The following PRR12 variants were observed in gnomAD, a reference collection of about 807,000 sequenced individuals.
The protein encoded by PRR12 is proline rich 12, also known as proline-rich protein 12.
PRR12 carries 12 observed loss-of-function variants against 138.0 expected under a neutral mutation model. The ratio of observed to expected loss-of-function variants is 0.09; its 90% CI spans 0.06 to 0.14. PRR12 has a LOEUF of 0.14. Among genes scored for constraint, PRR12 ranks in the 10% least tolerant of loss-of-function variants. The pLI is 1.00. For synonymous variants in PRR12, 1,567 were observed against 1,291.7 expected (o/e 1.21, Z -4.57); for missense variants, 2,692 against 2,861.3 (o/e 0.94, Z 1.35).
At chr19:49,603,255 G>A (rs368617213) in intron 6 of PRR12, among the ~76,000 whole-genome samples, 1 of 152,270 alleles carries the variant, frequency 6.6e-6, no homozygotes, top group Non-Finnish European at 1.5e-5. Flanking sequence ...CAGGGCATGC[G>A]GCTGAGCAGG....
chr19:49,612,896 T>C (rs2080873846), intron 6 of PRR12, among the ~76,000 whole-genome samples: 1 of 151,676 alleles, frequency 6.6e-6, no homozygotes, highest in South Asian at 2.1e-4. Flanking sequence ...ACTCCCGACC[T>C]CAAGTGATCC....
chr19:49,605,244 G>A (rs1416934962), intron 6 of PRR12, among the ~76,000 whole-genome samples: 1 of 152,012 alleles, frequency 6.6e-6, no homozygotes, highest in Non-Finnish European at 1.5e-5. Flanking sequence ...CAGCCCTGCT[G>A]GCCCTAGGAA....
At position 49,595,474 on chromosome 19, in the gene PRR12, A is replaced by T. The variant is rs1209167720; in HGVS notation, c.1139A>T (p.Tyr380Phe). ...GGGGCTGGGGGTGGTGGTGGAGGTT[A>T]CCGCCCCATCATTCAGTCGCCTGGG... The part of the protein sequence containing the change: ...GGGAGGGGGG[Y>F]RPIIQSPGYK... The change falls in exon 4 of 14, where the codon TAC (tyrosine) becomes TTC (phenylalanine). Residue 380 changes from tyrosine (Y) to phenylalanine (F), a missense_variant. By Grantham distance (22) the Tyr-to-Phe change is conservative (BLOSUM62 3). Coordinates refer to ENST00000418929, the MANE Select transcript of PRR12 (RefSeq NM_020719.3). 1.9e-6 allele frequency: 3 copies of T among 1,551,038 alleles called. No individual in the cohort carries two copies. The highest frequency in any genetic ancestry group is 2.6e-6 in the Non-Finnish European group (3 of 1,148,230).
At chr19:49,613,416 T>G (rs1383879478) in intron 6 of PRR12, among the ~76,000 whole-genome samples, 1 of 152,042 alleles carries the variant, frequency 6.6e-6, no homozygotes, top group East Asian at 1.9e-4. Context: ...ATTTATGACT[T>G]GTACTATTAT....
chr19:49,598,459 A>G (rs544684732), intron 4 of PRR12, among the ~76,000 whole-genome samples: 1 of 152,206 alleles, frequency 6.6e-6, no homozygotes, highest in South Asian at 2.1e-4. Context: ...TTACATTTCT[A>G]AAATCTGTGA....
chr19:49,600,435 G>A (rs1568425008), intron 5 of PRR12, among the ~76,000 whole-genome samples: 3 of 150,296 alleles, frequency 2.0e-5, no homozygotes, highest in Non-Finnish European at 1.5e-5. Flanking sequence ...GAGGCATTGG[G>A]AAATGAGAGG....
intron 8 of PRR12, among the ~76,000 whole-genome samples, chr19:49,615,422 TGGACAGAGACCCAGAAAGAGGG>T (rs1409636914): frequency 2.4e-5 from 3 of 122,666 alleles, no homozygotes; most frequent in Non-Finnish European, 5.0e-5. Context: ...AGACCTGGGG[TGGACAGAGACCCAGAAAGAGGG>T]GGATAGAGAC....
rs2080786552 is a variant in PRR12 at position 49,597,989 on chromosome 19, G to T, written c.3654G>T (p.Arg1218=). 1 of 1,388,310 alleles carries T rather than the reference G, an allele frequency of 7.2e-7. No individual in the cohort carries two copies. The allele number at this position is 1,388,310 out of a possible 1,614,324, so 86.0% of individuals were successfully genotyped here. A position where few individuals can be genotyped will look rare whatever the true frequency, so the allele number is the denominator to read the frequency against. Reference sequence around the variant, plus strand: ...AGGCTGAGGAGGCAGGGGGCACCCGGTTGGAGCCCCTGAAGCCACTTAAGG... The same window carrying T: ...AGGCTGAGGAGGCAGGGGGCACCCGTTTGGAGCCCCTGAAGCCACTTAAGG... ...GRKAEEAGGT[R]LEPLKPLKIK... The change falls in exon 4 of 14, where the codon CGG becomes CGT. Residue 1218 remains arginine, a synonymous_variant. Transcript: ENST00000418929. The surrounding 1 kb of genome is among the most constrained non-coding windows in gnomAD (Gnocchi z 6.3).
Position 49,625,217 on chromosome 19 carries a change from G to T in PRR12, c.5964+17G>T, listed in dbSNP as rs1264507844. The T allele has an allele frequency of 6.2e-7, 1 of 1,606,594 alleles. No homozygotes were observed. Among genetic ancestry groups the T allele is most frequent in the Non-Finnish European group, 8.5e-7 (1 of 1,173,326 alleles). On this transcript the variant is annotated intron_variant, in intron 13 of 13. Transcript: ENST00000418929. The surrounding 1 kb of genome is among the most constrained non-coding windows in gnomAD (Gnocchi z 5.5). ...CGGGACCAGGTGAGCCCCACCCACAGCACCCATCGCCCTGGGATTCCAACC... is the reference window on the plus strand; with the variant it reads ...CGGGACCAGGTGAGCCCCACCCACATCACCCATCGCCCTGGGATTCCAACC...
Position 49,599,026 on chromosome 19 carries a change from G to A in PRR12, c.3679-246G>A, listed in dbSNP as rs2080794107. On this transcript the variant is annotated intron_variant, in intron 4 of 13. Coordinates refer to ENST00000418929, the MANE Select transcript of PRR12 (RefSeq NM_020719.3). The surrounding 1 kb of genome is among the most constrained non-coding windows in gnomAD (Gnocchi z 5.0). ...GGGATCCTACATTCCTGGGTCTCAT[G>A]GGAAGCGGGTCTAGGGACCTGAACT... Among the ~76,000 whole-genome samples, 1 of 150,936 alleles carries A rather than the reference G, an allele frequency of 6.6e-6. No individual in the cohort carries two copies. The highest frequency in any genetic ancestry group is 2.5e-5 in the African/African-American group (1 of 40,550).
Position 49,596,760 on chromosome 19 carries a change from GC to G in PRR12, c.2430del (p.Ser811ValfsTer89). 1 of 1,603,112 alleles carries G rather than the reference GC, an allele frequency of 6.2e-7. No homozygotes were observed. ...PQLLPSVLSH[A>X]PSPSPSASKV... ...GCTGCTCCCCTCGGTCCTCAGCCATGCCCCCAGTCCCTCTCCCAGCGCCTCC... is the reference window on the plus strand; with the variant it reads ...GCTGCTCCCCTCGGTCCTCAGCCATGCCCCAGTCCCTCTCCCAGCGCCTCC... On this transcript the variant is annotated frameshift_variant, in exon 4 of 14. Transcript: ENST00000418929. LOFTEE classifies it high-confidence loss of function. This position sits in a 1 kb window ranked among gnomAD's most constrained non-coding sequence, Gnocchi z 5.6.
In PRR12 at chr19:49,615,880, G is replaced by A. The variant is rs2080889784; in HGVS notation, c.5158G>A (p.Glu1720Lys). 6.3e-7 allele frequency: 1 copy of A among 1,586,154 alleles called. No individual in the cohort carries two copies. Among genetic ancestry groups the A allele is most frequent in the African/African-American group, 1.4e-5 (1 of 74,046 alleles). The stretch of plus-strand genomic sequence containing the variant: ...TGAGAAGCCCCCAGAGCAGACTCCT[G>A]AGACGGCCATGCCTGAGCCCCCTGC... ...TSEKPPEQTPETAMPEPPAPE... is the reference protein window; with the variant it reads ...TSEKPPEQTPKTAMPEPPAPE... The change falls in exon 9 of 14, where the codon GAG (glutamate) becomes AAG (lysine). Residue 1720 changes from glutamate (E) to lysine (K), a missense_variant. Physicochemically the swap from Glu to Lys is moderately conservative, Grantham distance 56. This residue lies in a region of PRR12 where 259 missense variants were observed against 265.1 expected (regional missense o/e 0.98). Transcript: ENST00000418929.
intron 9 of PRR12, among the ~76,000 whole-genome samples, chr19:49,618,846 G>A (rs1270347061): frequency 6.6e-6 from 1 of 151,624 alleles, no homozygotes; most frequent in Non-Finnish European, 1.5e-5. Context: ...TGGTCCATCA[G>A]CCTGGACTTC....
Position 49,620,269 on chromosome 19 carries a change from C to T in PRR12, c.5498-83C>T. 7.0e-6 allele frequency: 11 copies of T among 1,561,786 alleles called. No individual in the cohort carries two copies. In the South Asian group the frequency reaches 1.3e-4, roughly 18 times the overall value. On this transcript the variant is annotated intron_variant, in intron 9 of 13. Coordinates refer to ENST00000418929, the MANE Select transcript of PRR12 (RefSeq NM_020719.3). The stretch of plus-strand genomic sequence containing the variant: ...AAAAGCAGGGATTTCTCTTCCGGTC[C>T]CCAGTGTTGAGAACAGTGTCTGCCA...
chr19:49,620,530 A>C, intron 10 of PRR12, 53 bp downstream of exon 10: 1 of 1,541,104 alleles, frequency 6.5e-7, no homozygotes, highest in Non-Finnish European at 8.8e-7. Flanking sequence ...CTGAGGGAGC[A>C]GGTGCTGAGG....
rs1306339610 is a variant in PRR12, at chr19:49,599,840, C to T, written c.4247C>T (p.Thr1416Ile). ...CCACCCCTTGCTGGGCCAAAAGACACTTCCACCCCAGATGGGCCGCCCTTG... is the reference window on the plus strand; with the variant it reads ...CCACCCCTTGCTGGGCCAAAAGACATTTCCACCCCAGATGGGCCGCCCTTG... ...DDPPLAGPKD[T>I]STPDGPPLAP... is the part of the protein sequence containing the mutation. The change falls in exon 5 of 14, where the codon ACT (threonine) becomes ATT (isoleucine). Residue 1416 changes from threonine to isoleucine, a missense_variant. This residue lies in a region of PRR12 where 231 missense variants were observed against 200.8 expected (regional missense o/e 1.15). Coordinates refer to ENST00000418929, the MANE Select transcript of PRR12 (RefSeq NM_020719.3). The surrounding 1 kb of genome is among the most constrained non-coding windows in gnomAD (Gnocchi z 5.0). The T allele has an allele frequency of 3.1e-6, 5 of 1,613,274 alleles. No homozygotes were observed. In the African/African-American group the frequency reaches 4.0e-5, roughly 13 times the overall value.
chr19:49,597,987 C>T lies in PRR12; in HGVS notation c.3652C>T (p.Arg1218Trp), dbSNP rs1051166210. Residue 1218 changes from arginine (R) to tryptophan (W), a missense_variant, in exon 4 of 14, where the codon CGG becomes TGG. By Grantham distance (101) the Arg-to-Trp change is moderately radical (BLOSUM62 -3). Coordinates refer to ENST00000418929, the MANE Select transcript of PRR12 (RefSeq NM_020719.3). This position sits in a 1 kb window ranked among gnomAD's most constrained non-coding sequence, Gnocchi z 6.3. ...AAAGGCTGAGGAGGCAGGGGGCACC[C>T]GGTTGGAGCCCCTGAAGCCACTTAA... Reference protein sequence around the residue: ...GRKAEEAGGTRLEPLKPLKIK... With the variant: ...GRKAEEAGGTWLEPLKPLKIK... 1.4e-5 allele frequency: 19 copies of T among 1,383,830 alleles called. No individual in the cohort carries two copies. Among genetic ancestry groups the T allele is most frequent in the African/African-American group, 6.1e-5 (4 of 65,376 alleles). 85.7% of individuals were successfully genotyped at this position (1,383,830 alleles called of 1,614,324 possible).
chr19:49,597,947 C>T lies in PRR12; in HGVS notation c.3612C>T (p.Gly1204=). The part of the protein sequence containing the change: ...TDGAKKPRGR[G]RGRGRKAEEA... ...GCGCCAAGAAACCCCGGGGCCGGGG[C>T]CGAGGCCGGGGTCGAAAGGCTGAGG... is the stretch of plus-strand genomic sequence containing the variant. Residue 1204 remains glycine (G), a synonymous_variant, in exon 4 of 14, where the codon GGC becomes GGT. Coordinates refer to ENST00000418929, the MANE Select transcript of PRR12 (RefSeq NM_020719.3). This position sits in a 1 kb window ranked among gnomAD's most constrained non-coding sequence, Gnocchi z 6.3. 2.1e-6 allele frequency: 3 copies of T among 1,402,226 alleles called. No individual in the cohort carries two copies. Among genetic ancestry groups the T allele is most frequent in the Admixed American group, 6.9e-5 (2 of 29,186 alleles). The allele number at this position is 1,402,226 out of a possible 1,614,324, so 86.9% of individuals were successfully genotyped here.
At position 49,591,590 on chromosome 19, in the gene PRR12, C is replaced by G. The variant is rs1011800832; in HGVS notation, c.-65C>G. 2.1e-6 allele frequency: 1 copy of G among 486,914 alleles called. No homozygotes were observed. Among genetic ancestry groups the G allele is most frequent in the African/African-American group, 2.1e-5 (1 of 47,116 alleles). The allele number at this position is 486,914 out of a possible 1,614,324, so 30.2% of individuals were successfully genotyped here. Reference sequence around the variant, plus strand: ...CGGAGGGAGCGGCGGCGGAGGAGAGCGCGCGCGCGCCCCCTCCCTCCCTCC... The same window carrying G: ...CGGAGGGAGCGGCGGCGGAGGAGAGGGCGCGCGCGCCCCCTCCCTCCCTCC... On this transcript the variant is annotated 5_prime_UTR_variant, in exon 1 of 14. Coordinates refer to ENST00000418929, the MANE Select transcript of PRR12 (RefSeq NM_020719.3).
Sources: gnomAD v4.1 joint callset for allele counts (sites outside exome capture counted in the v4.1 genomes callset) on GRCh38, gnomAD v4.1.1 for gene constraint, gnomAD v4.1.1 regional missense constraint, Gnocchi (gnomAD v3.1) non-coding constraint, MANE v1.5 for transcripts, NCBI Gene and HGNC (gene_info 2026-07-23, HGNC 2026-07-21) for gene names.